Variants in DNAH9 observed in about 807,000 individuals in gnomAD.
DNAH9 encodes DNAH9 variant protein.
DNAH9 carries 345 observed loss-of-function variants against 471.6 expected under a neutral mutation model. The observed-to-expected ratio is 0.73, with a 90% CI of 0.67 to 0.80. The LOEUF is 0.80. Ranked by LOEUF, DNAH9 falls within the 30% of genes least tolerant of loss-of-function variation. The pLI, the probability that DNAH9 is intolerant of heterozygous loss-of-function variation, is 0.00. For synonymous variants in DNAH9, 2,093 were observed against 2,123.6 expected, an observed-to-expected ratio of 0.99 and a Z score of 0.40; for missense variants, 5,407 against 5,609.2, an observed-to-expected ratio of 0.96 and a Z score of 1.15.
At chr17:11,810,443 C>T (rs1454793378) in intron 45 of DNAH9, 74 bp downstream of exon 45, 9 of 1,539,466 alleles carry the variant, frequency 5.8e-6, no homozygotes, top group East Asian at 2.3e-5. Context: ...GTGAAGATTT[C>T]GTCCAGGGTG....
rs1175319437 is a variant in DNAH9, at chr17:11,623,807, G to C, written c.1350+4026G>C. Among the ~76,000 whole-genome samples the C allele has an allele frequency of 6.6e-6, 1 of 152,118 alleles. No individual in the cohort carries two copies. The highest frequency in any genetic ancestry group is 1.5e-5 in the Non-Finnish European group (1 of 68,026). The stretch of plus-strand genomic sequence containing the variant: ...CACCAATGTGTTTATCTCTCTGCAT[G>C]CTCTCGTCACGGGTTAGAGTGTGAA... On this transcript the variant is annotated intron_variant, in intron 6 of 68. Transcript: ENST00000262442. The surrounding 1 kb of genome is among the most constrained non-coding windows in gnomAD (Gnocchi z 4.1).
At chr17:11,689,081 C>T (rs1006690779) in intron 19 of DNAH9, among the ~76,000 whole-genome samples, 2 of 150,478 alleles carry the variant, frequency 1.3e-5, no homozygotes, top group Non-Finnish European at 2.9e-5. Context: ...GGCAACAGAG[C>T]GAGACTCTGT....
chr17:11,715,451 G>A (rs2074942445), intron 26 of DNAH9, among the ~76,000 whole-genome samples: 1 of 152,148 alleles, frequency 6.6e-6, no homozygotes, highest in Non-Finnish European at 1.5e-5. Context: ...TCCTAGAATA[G>A]TAAACTGTGC....
At chr17:11,864,410 T>G (rs1389460380) in intron 50 of DNAH9, among the ~76,000 whole-genome samples, 1 of 152,018 alleles carries the variant, frequency 6.6e-6, no homozygotes, top group Non-Finnish European at 1.5e-5. Flanking sequence ...TTTCTGTTCT[T>G]TTACATTTGC....
At position 11,883,688 on chromosome 17, in the gene DNAH9, G is replaced by A. The variant is rs1972797132; in HGVS notation, c.10909G>A (p.Glu3637Lys). The stretch of plus-strand genomic sequence containing the variant: ...CTCCGCCTCTGGGAACTTCCTGGGA[G>A]AAACAGTGCTGGTGGAAAACCTAGA... ...LSSASGNFLG[E>K]TVLVENLEIT... Residue 3637 changes from glutamate to lysine, a missense_variant, in exon 56 of 69, where the codon GAA (glutamate) becomes AAA (lysine). Coordinates refer to ENST00000262442, the MANE Select transcript of DNAH9 (RefSeq NM_001372.4). 1 of 1,614,152 alleles carries A rather than the reference G, an allele frequency of 6.2e-7. No individual in the cohort carries two copies. Among genetic ancestry groups the A allele is most frequent in the Admixed American group, 1.7e-5 (1 of 60,014 alleles).
intron 45 of DNAH9, among the ~76,000 whole-genome samples, chr17:11,812,251 T>C (rs894972335): frequency 2.6e-5 from 4 of 151,202 alleles, no homozygotes; most frequent in Non-Finnish European, 4.4e-5. Flanking sequence ...TGAACAAAAT[T>C]TCTGCCTCCA....
rs770328921 is a variant in DNAH9 at position 11,874,244 on chromosome 17, C to CAAAAAAA, written c.10243-696_10243-690dup. Among the ~76,000 whole-genome samples the CAAAAAAA allele has an allele frequency of 1.3e-3, 133 of 106,342 alleles. 1 individual carries two copies. Among genetic ancestry groups the CAAAAAAA allele is most frequent in the Admixed American group, 3.8e-3 (36 of 9,384 alleles). The allele number at this position is 106,342 out of a possible 152,430, so 69.8% of individuals were successfully genotyped here. A position where few individuals can be genotyped will look rare whatever the true frequency, so the allele number is the denominator to read the frequency against. On this transcript the variant is annotated intron_variant, in intron 52 of 68. Transcript: ENST00000262442. ...TGTGTGACAGAGCAAGATTCCATCT[C>CAAAAAAA]AAAAAAAAAAAAAAAGAACTGAGTG...
chr17:11,644,615 T>C lies in DNAH9; in HGVS notation c.1902-16T>C, dbSNP rs2073344344. The C allele has an allele frequency of 6.3e-7, 1 of 1,590,026 alleles. No homozygotes were observed. The highest frequency in any genetic ancestry group is 1.3e-5 in the African/African-American group (1 of 74,458). ...TCTTCTAATTCTGTGTCACTTTTTC[T>C]CTTTTGTACGAGTAGTTGCATGGAA... On this transcript the variant is annotated splice_polypyrimidine_tract_variant and intron_variant, in intron 10 of 68. Coordinates refer to ENST00000262442, the MANE Select transcript of DNAH9 (RefSeq NM_001372.4).
At chr17:11,739,650 G>A (rs1400992469) in intron 29 of DNAH9, among the ~76,000 whole-genome samples, 1 of 152,108 alleles carries the variant, frequency 6.6e-6, no homozygotes, top group African/African-American at 2.4e-5. Flanking sequence ...TCCTCGTAGC[G>A]ACGCATGAGA....
chr17:11,851,585 A>C (rs892603901), intron 49 of DNAH9, among the ~76,000 whole-genome samples: 5 of 152,178 alleles, frequency 3.3e-5, no homozygotes, highest in Non-Finnish European at 5.9e-5. Context: ...CCACAGTCAG[A>C]GAGTTAGACC....
chr17:11,860,689 G>A (rs149277142), intron 50 of DNAH9, among the ~76,000 whole-genome samples: 2,550 of 152,210 alleles, frequency 0.017, 97 homozygotes, highest in African/African-American at 0.058. Context: ...AGTCTTCCGA[G>A]TAGCTGGGAT....
intron 17 of DNAH9, among the ~76,000 whole-genome samples, chr17:11,672,224 G>A (rs2150731743): frequency 6.6e-6 from 1 of 152,146 alleles, no homozygotes; most frequent in South Asian, 2.1e-4. Context: ...AGCTCTTCCT[G>A]CCCTAATCTG....
intron 6 of DNAH9, among the ~76,000 whole-genome samples, chr17:11,620,950 C>A (rs371007467): frequency 6.6e-6 from 1 of 152,096 alleles, no homozygotes; most frequent in Non-Finnish European, 1.5e-5. Flanking sequence ...AGACATGATA[C>A]TATTTCTTTG....
In DNAH9 at chr17:11,728,992, C is replaced by T. The variant is rs556668637; in HGVS notation, c.5814+1070C>T. ...ATGTGGTGTCTAGTGGGTAAAATGC[C>T]AGAGGAGAAAATAAGGCCAGAGAGA... On this transcript the variant is annotated intron_variant, in intron 28 of 68. Coordinates refer to ENST00000262442, the MANE Select transcript of DNAH9 (RefSeq NM_001372.4). 3.3e-5 allele frequency among the ~76,000 whole-genome samples: 5 copies of T among 152,216 alleles called. No individual in the cohort carries two copies. In the East Asian group the frequency reaches 9.7e-4, roughly 29 times the overall value.
intron 43 of DNAH9, among the ~76,000 whole-genome samples, chr17:11,802,534 A>G (rs1217566887): frequency 6.6e-6 from 1 of 152,220 alleles, no homozygotes; most frequent in East Asian, 1.9e-4. Context: ...CAGGAGGCTG[A>G]AGCAGGAGAA....
At chr17:11,754,596 T>C (rs1967296690) in intron 33 of DNAH9, among the ~76,000 whole-genome samples, 1 of 152,244 alleles carries the variant, frequency 6.6e-6, no homozygotes, top group African/African-American at 2.4e-5. Flanking sequence ...TTGAGTTTTT[T>C]TCATATGCTT....
chr17:11,933,384 T>TC (rs751260846), intron 64 of DNAH9, among the ~76,000 whole-genome samples: 1 of 151,788 alleles, frequency 6.6e-6, no homozygotes, highest in Non-Finnish European at 1.5e-5. Context: ...CTTTTTTTTT[T>TC]CTTCTTTTTT....
chr17:11,906,788 G>A (rs571528288), intron 61 of DNAH9, among the ~76,000 whole-genome samples: 9 of 152,122 alleles, frequency 5.9e-5, no homozygotes, highest in East Asian at 1.9e-4. Context: ...AACACCGAAC[G>A]TTCTCACTTA....
chr17:11,836,000 G>A (rs547533079), intron 49 of DNAH9, among the ~76,000 whole-genome samples: 52 of 152,146 alleles, frequency 3.4e-4, no homozygotes, highest in Non-Finnish European at 6.6e-4. Flanking sequence ...CCAGTCCACC[G>A]TGCCAGTCAA....
Sources: allele counts gnomAD v4.1 joint callset (sites outside exome capture counted in the v4.1 genomes callset), GRCh38; gene constraint gnomAD v4.1.1; non-coding constraint Gnocchi (gnomAD v3.1); transcripts MANE v1.5; gene names NCBI Gene and HGNC (gene_info 2026-07-23, HGNC 2026-07-21).